USH2A: variants seen among roughly 807,000 people sequenced by gnomAD.
USH2A encodes Usher syndrome 2A (autosomal recessive, mild).
Under a neutral mutation model 538.9 loss-of-function variants are expected in USH2A, and 443 were observed. The observed-to-expected ratio is 0.82, with a 90% confidence interval of 0.76 to 0.89. The LOEUF is 0.89. USH2A is among the 40% of genes least tolerant of loss of function. The pLI is 0.00. For synonymous variants in USH2A, 2,413 were observed against 2,273.5 expected (o/e 1.06, Z -1.75); for missense variants, 6,633 against 6,324.8 (o/e 1.05, Z -1.65).
chr1:216,342,147 CAAG>C (rs1558046100), intron 4 of USH2A, among the ~76,000 whole-genome samples: 1 of 151,942 alleles, frequency 6.6e-6, no homozygotes, highest in Non-Finnish European at 1.5e-5. Flanking sequence ...AACAAATGTA[CAAG>C]AAGAAAACAA....
chr1:216,099,335 G>A (rs976101872), intron 21 of USH2A, among the ~76,000 whole-genome samples: 11 of 152,020 alleles, frequency 7.2e-5, no homozygotes, highest in African/African-American at 2.7e-4. Flanking sequence ...GAATAGAATT[G>A]TTTGCCCCAA....
At chr1:215,815,676 C>T (rs921933130) in intron 48 of USH2A, among the ~76,000 whole-genome samples, 19 of 152,024 alleles carry the variant, frequency 1.2e-4, no homozygotes, top group African/African-American at 4.6e-4. Flanking sequence ...TTTTCTTCAT[C>T]CCATTACTTT....
intron 44 of USH2A, among the ~76,000 whole-genome samples, chr1:215,859,854 G>A (rs1395128795): frequency 6.6e-6 from 1 of 152,136 alleles, no homozygotes; most frequent in Admixed American, 6.5e-5. Flanking sequence ...CAGCAAAGGG[G>A]GATCAAGGGT....
intron 14 of USH2A, among the ~76,000 whole-genome samples, chr1:216,227,873 T>G (rs2035592106): frequency 6.6e-6 from 1 of 152,170 alleles, no homozygotes; most frequent in Admixed American, 6.5e-5. Flanking sequence ...GCACATGATC[T>G]TTCCCCACGT....
intron 55 of USH2A, among the ~76,000 whole-genome samples, chr1:215,773,494 CTCTCTCTCTCTCTCTCTG>C (rs1558091630): frequency 6.3e-5 from 8 of 127,438 alleles, no homozygotes; most frequent in South Asian, 2.5e-4. Context: ...GTCTCTCTGT[CTCTCTCTCTCTCTCTCTG>C]TCTCTCTCTC....
At chr1:216,211,012 G>T (rs994199546) in intron 15 of USH2A, among the ~76,000 whole-genome samples, 2 of 151,370 alleles carry the variant, frequency 1.3e-5, no homozygotes, top group Non-Finnish European at 2.9e-5. Context: ...TTGGGGTGGT[G>T]GGGGGTGGTG....
intron 32 of USH2A, among the ~76,000 whole-genome samples, chr1:216,018,050 G>T (rs1198682516): frequency 1.3e-5 from 2 of 151,994 alleles, no homozygotes; most frequent in Non-Finnish European, 2.9e-5. Context: ...TTTCAGTTTG[G>T]ATTAATTTCT....
intron 37 of USH2A, among the ~76,000 whole-genome samples, chr1:215,937,413 A>G (rs1666532085): frequency 6.6e-6 from 1 of 152,202 alleles, no homozygotes; most frequent in Non-Finnish European, 1.5e-5. Flanking sequence ...GCTTGCTTCT[A>G]CTGAAGATTA....
chr1:216,370,272 A>G (rs2038681009), intron 3 of USH2A, among the ~76,000 whole-genome samples: 2 of 151,894 alleles, frequency 1.3e-5, no homozygotes, highest in Admixed American at 6.6e-5. Context: ...GAGGCAGGAT[A>G]ATTACTTGAA....
chr1:215,852,079 A>G (rs1352258801), intron 44 of USH2A, among the ~76,000 whole-genome samples: 1 of 152,176 alleles, frequency 6.6e-6, no homozygotes, highest in Admixed American at 6.5e-5. Context: ...CACAGCTAAC[A>G]TACTGAATGG....
chr1:216,308,287 G>A (rs1220588441), intron 9 of USH2A, among the ~76,000 whole-genome samples: 1 of 152,164 alleles, frequency 6.6e-6, no homozygotes, highest in African/African-American at 2.4e-5. Flanking sequence ...TTTGCAAATT[G>A]TTTTCCATAG....
chr1:215,951,844 A>AC, intron 37 of USH2A, among the ~76,000 whole-genome samples: 1 of 150,700 alleles, frequency 6.6e-6, no homozygotes, highest in Non-Finnish European at 1.5e-5. Context: ...TTGTTGGTTT[A>AC]TTTTTTTTAT....
At chr1:215,677,433 C>T (rs1444962964) in intron 62 of USH2A, among the ~76,000 whole-genome samples, 1 of 152,138 alleles carries the variant, frequency 6.6e-6, no homozygotes. Context: ...CATTTCTCTG[C>T]TTTTCTTTTC....
At chr1:216,378,501 G>T (rs974388426) in intron 3 of USH2A, among the ~76,000 whole-genome samples, 1 of 152,114 alleles carries the variant, frequency 6.6e-6, no homozygotes, top group African/African-American at 2.4e-5. Context: ...ACAAGATGTA[G>T]GGATGAAGAG....
intron 4 of USH2A, among the ~76,000 whole-genome samples, chr1:216,350,572 G>A (rs2038262582): frequency 6.6e-6 from 1 of 152,076 alleles, no homozygotes; most frequent in Non-Finnish European, 1.5e-5. Flanking sequence ...ACCCAAAAGG[G>A]CAGTCATCAA....
intron 32 of USH2A, among the ~76,000 whole-genome samples, chr1:216,035,727 C>G (rs182161120): frequency 1.6e-4 from 25 of 152,196 alleles, no homozygotes; most frequent in Non-Finnish European, 3.5e-4. Context: ...CCAAATTATG[C>G]ATTGGTATTT....
intron 27 of USH2A, 57 bp from the exon 28 acceptor site, chr1:216,073,357 T>C: frequency 6.4e-7 from 1 of 1,571,758 alleles, no homozygotes; most frequent in Non-Finnish European, 8.7e-7. Flanking sequence ...TAATTACCAA[T>C]CATTTTTGTC....
chr1:215,963,729 T>G (rs947475643), intron 37 of USH2A, among the ~76,000 whole-genome samples: 23 of 152,150 alleles, frequency 1.5e-4, no homozygotes, highest in African/African-American at 5.5e-4. Context: ...TGCCTTGGTC[T>G]GGAGTCCCTT....
chr1:215,628,107 C>G (rs1298752156), intron 71 of USH2A, among the ~76,000 whole-genome samples: 2 of 152,128 alleles, frequency 1.3e-5, no homozygotes, highest in Admixed American at 1.3e-4. Flanking sequence ...ACCATGTTCA[C>G]CTGTTGATAC....
Sources: gnomAD v4.1 joint callset for allele counts (sites outside exome capture counted in the v4.1 genomes callset) on GRCh38, gnomAD v4.1.1 for gene constraint, MANE v1.5 for transcripts, NCBI Gene and HGNC (gene_info 2026-07-23, HGNC 2026-07-21) for gene names.